EIF2AK2: variants seen among roughly 807,000 people sequenced by gnomAD.
EIF2AK2 encodes interferon-induced, double-stranded RNA-activated protein kinase.
Under a neutral mutation model 70.5 loss-of-function variants are expected in EIF2AK2, and 40 were observed. The observed-to-expected ratio is 0.57, with a 90% confidence interval of 0.44 to 0.74. The LOEUF (loss-of-function observed/expected upper bound fraction) is 0.74, where lower values mean the gene tolerates loss of function less well. EIF2AK2 is among the 30% of genes least tolerant of loss of function. The pLI is 0.00. For synonymous variants in EIF2AK2, 198 were observed against 220.9 expected (o/e 0.90, Z 0.92); for missense variants, 555 against 644.3 (o/e 0.86, Z 1.50).
intron 10 of EIF2AK2, among the ~76,000 whole-genome samples, chr2:37,132,785 T>C (rs918816035): frequency 6.6e-6 from 1 of 152,154 alleles, no homozygotes; most frequent in South Asian, 2.1e-4. Context: ...GACTCCCTTC[T>C]TTTCCAACCC....
chr2:37,121,812 C>G (rs1355493100), intron 12 of EIF2AK2, among the ~76,000 whole-genome samples: 1 of 152,036 alleles, frequency 6.6e-6, no homozygotes, highest in African/African-American at 2.4e-5. Flanking sequence ...CTCACTTACA[C>G]GACATGGAGA....
At chr2:37,128,100 G>C (rs1643932000) in intron 10 of EIF2AK2, among the ~76,000 whole-genome samples, 1 of 152,082 alleles carries the variant, frequency 6.6e-6, no homozygotes, top group Non-Finnish European at 1.5e-5. Flanking sequence ...TGACAACAGG[G>C]ACCATTTTAT....
At chr2:37,154,344 A>T (rs1248088244) in intron 1 of EIF2AK2, among the ~76,000 whole-genome samples, 1 of 151,936 alleles carries the variant, frequency 6.6e-6, no homozygotes, top group Non-Finnish European at 1.5e-5. Flanking sequence ...AAACAAAAAC[A>T]AAACAAACAA....
At chr2:37,109,543 A>T (rs780849661) in intron 14 of EIF2AK2, 5 of 385,438 alleles carry the variant, frequency 1.3e-5, no homozygotes, top group Non-Finnish European at 2.4e-5. Flanking sequence ...AACAGTATCA[A>T]CCACAGAGTT....
intron 2 of EIF2AK2, 121 bp downstream of exon 2, chr2:37,148,736 T>C (rs1675643026): frequency 1.2e-6 from 1 of 838,382 alleles, no homozygotes; most frequent in Non-Finnish European, 2.1e-6. Context: ...ATTTGAGGAT[T>C]TACAGAAGTC....
At chr2:37,149,939 G>A (rs1056958156) in intron 1 of EIF2AK2, among the ~76,000 whole-genome samples, 5 of 152,112 alleles carry the variant, frequency 3.3e-5, no homozygotes, top group Non-Finnish European at 5.9e-5. Context: ...CAACAAAGAT[G>A]AAAGTCCAAC....
rs575397018 is a variant in EIF2AK2 at position 37,107,646 on chromosome 2, T to A, written c.1480-119A>T. On this transcript the variant is annotated intron_variant, in intron 15 of 16. Coordinates refer to ENST00000233057, the MANE Select transcript of EIF2AK2 (RefSeq NM_001135651.3). ...TTTCCAGATTTTTTGGGAAAGTCTC[T>A]TTAGCCAAGAAGCAAGCAGGATTCC... The A allele has an allele frequency of 4.5e-6, 5 of 1,118,322 alleles. No homozygotes were observed. The South Asian group carries it at 6.1e-5, about 14-fold the overall frequency. The allele number at this position is 1,118,322 out of a possible 1,614,324, so 69.3% of individuals were successfully genotyped here. A position where few individuals can be genotyped will look rare whatever the true frequency, so the allele number is the denominator to read the frequency against.
intron 14 of EIF2AK2, among the ~76,000 whole-genome samples, chr2:37,110,279 G>T (rs1290708563): frequency 3.4e-4 from 51 of 150,714 alleles, no homozygotes; most frequent in Admixed American, 3.2e-3. Context: ...TTTTTTAGTG[G>T]AGATGGAGTT....
chr2:37,108,884 T>C (rs546145741), intron 15 of EIF2AK2, among the ~76,000 whole-genome samples: 11 of 152,242 alleles, frequency 7.2e-5, no homozygotes, highest in Non-Finnish European at 1.5e-4. Context: ...TGTTTATTTT[T>C]GCAACCCTTA....
chr2:37,148,058 G>A (rs1467869594), intron 2 of EIF2AK2, among the ~76,000 whole-genome samples: 1 of 152,110 alleles, frequency 6.6e-6, no homozygotes, highest in Non-Finnish European at 1.5e-5. Flanking sequence ...GGCCAGGTGT[G>A]GTGGCTCACG....
At chr2:37,146,749 A>G (rs1251945806) in intron 4 of EIF2AK2, 104 bp downstream of exon 4, 12 of 1,383,710 alleles carry the variant, frequency 8.7e-6, no homozygotes, top group Non-Finnish European at 1.1e-5. Context: ...AATGTAAGGG[A>G]ACGTGTGAAT....
intron 1 of EIF2AK2, among the ~76,000 whole-genome samples, chr2:37,154,750 C>A (rs535017417): frequency 2.0e-5 from 3 of 151,914 alleles, no homozygotes; most frequent in Non-Finnish European, 2.9e-5. Flanking sequence ...TTAGTAGAGA[C>A]GGGGTTTCCC....
chr2:37,133,647 T>C (rs1675026154), intron 10 of EIF2AK2, among the ~76,000 whole-genome samples: 1 of 152,220 alleles, frequency 6.6e-6, no homozygotes, highest in African/African-American at 2.4e-5. Context: ...TCAGCCTCTC[T>C]TGTGTCTCCA....
At position 37,141,407 on chromosome 2, in the gene EIF2AK2, T is replaced by C. The variant is rs1675325758; in HGVS notation, c.389+146A>G. 11 of 983,836 alleles carry C rather than the reference T, an allele frequency of 1.1e-5. 1 individual carries two copies. The highest frequency in any genetic ancestry group is 1.6e-5 in the Non-Finnish European group (11 of 671,186). The allele number at this position is 983,836 out of a possible 1,614,324, so 60.9% of individuals were successfully genotyped here. On this transcript the variant is annotated intron_variant, in intron 5 of 16. Coordinates refer to ENST00000233057, the MANE Select transcript of EIF2AK2 (RefSeq NM_001135651.3). ...AATTAAGCATTTTAATTACAAATTA[T>C]AAATCCAATTACTTATCAATCATGT...
intron 13 of EIF2AK2, among the ~76,000 whole-genome samples, chr2:37,117,227 AG>A (rs1674377371): frequency 6.7e-6 from 1 of 150,192 alleles, no homozygotes; most frequent in Non-Finnish European, 1.5e-5. Context: ...AAAAAAAAAA[AG>A]AAAAAAGAAA....
rs752198346 is a variant in EIF2AK2, at chr2:37,109,178, T to C, written c.1479+16A>G. 3.7e-6 allele frequency: 6 copies of C among 1,612,112 alleles called. No homozygotes were observed. The Admixed American group carries it at 8.4e-5, about 22-fold the overall frequency. ...GTAATTTTTCTTGTTTAATTCTTTCTTTGAGATAATTTTACCTTTGATGTT... is the reference window on the plus strand; with the variant it reads ...GTAATTTTTCTTGTTTAATTCTTTCCTTGAGATAATTTTACCTTTGATGTT... On this transcript the variant is annotated intron_variant, in intron 15 of 16. Transcript: ENST00000233057.
In EIF2AK2 at chr2:37,107,246, G is replaced by T. The variant is rs1437504341; in HGVS notation, c.*27C>A. 6.3e-7 allele frequency: 1 copy of T among 1,599,794 alleles called. No homozygotes were observed. Among genetic ancestry groups the T allele is most frequent in the African/African-American group, 1.3e-5 (1 of 74,254 alleles). ...ATAATTTAAGGAAAACTGCATATCA[G>T]AAGCAGGATACTTTTTCAGAAGGGC... On this transcript the variant is annotated 3_prime_UTR_variant, in exon 17 of 17. Coordinates refer to ENST00000233057, the MANE Select transcript of EIF2AK2 (RefSeq NM_001135651.3).
chr2:37,130,750 G>C (rs189329030), intron 10 of EIF2AK2, among the ~76,000 whole-genome samples: 2 of 152,222 alleles, frequency 1.3e-5, no homozygotes, highest in East Asian at 3.9e-4. Context: ...TCACTATTTC[G>C]GTCAGGCACT....
intron 14 of EIF2AK2, among the ~76,000 whole-genome samples, chr2:37,112,242 A>G (rs2148666971): frequency 6.6e-6 from 1 of 152,292 alleles, no homozygotes; most frequent in Admixed American, 6.5e-5. Flanking sequence ...CACTCAGAGC[A>G]AAACTGCAGC....
Sources: allele counts gnomAD v4.1 joint callset (sites outside exome capture counted in the v4.1 genomes callset), GRCh38; gene constraint gnomAD v4.1.1; transcripts MANE v1.5; gene names NCBI Gene and HGNC (gene_info 2026-07-23, HGNC 2026-07-21).